Variants in ANKRD31 observed in about 807,000 individuals in gnomAD.
The protein encoded by ANKRD31 is ankyrin repeat domain-containing protein 31.
Under a neutral mutation model 186.0 loss-of-function variants are expected in ANKRD31, and 147 were observed. The ratio of observed to expected loss-of-function variants is 0.79; its 90% confidence interval spans 0.69 to 0.91. ANKRD31 has a LOEUF of 0.91. Among genes scored for constraint, ANKRD31 ranks in the 40% least tolerant of loss-of-function variants. The pLI, the probability that ANKRD31 is intolerant of heterozygous loss-of-function variation, is 0.00. For synonymous variants in ANKRD31, 673 were observed against 736.4 expected, an observed-to-expected ratio of 0.91 and a Z score of 1.39; for missense variants, 1,986 against 2,148.8, an observed-to-expected ratio of 0.92 and a Z score of 1.50.
At chr5:75,137,259 A>G (rs55751093) in intron 17 of ANKRD31, among the ~76,000 whole-genome samples, 13 of 152,220 alleles carry the variant, frequency 8.5e-5, no homozygotes, top group African/African-American at 1.4e-4. Flanking sequence ...TCTATGGATA[A>G]CAATAAGGGT....
Position 75,104,284 on chromosome 5 carries a change from A to G in ANKRD31, c.5275T>C (p.Leu1759=), listed in dbSNP as rs1457802506. Residue 1759 remains leucine, a synonymous_variant, in exon 22 of 26, where the codon TTG becomes CTG. Transcript: ENST00000506364. ...PKKKCIQIKD[L]ILLGRINPGN... ...GGGTTAATTCTTCCTAGTAATATCA[A>G]ATCTTTTATCTGAATACATTTCTTT... 2 of 1,533,528 alleles carry G rather than the reference A, an allele frequency of 1.3e-6. No homozygotes were observed. Among genetic ancestry groups the G allele is most frequent in the African/African-American group, 2.7e-5 (2 of 72,880 alleles). 95.0% of individuals were successfully genotyped at this position (1,533,528 alleles called of 1,614,324 possible).
chr5:75,147,860 AC>A (rs1257328694), intron 13 of ANKRD31, among the ~76,000 whole-genome samples: 1 of 151,916 alleles, frequency 6.6e-6, no homozygotes, highest in East Asian at 1.9e-4. Context: ...AGTTTCCTTT[AC>A]AAGGAAACTC....
chr5:75,105,243 A>T, intron 21 of ANKRD31, 25 bp from the exon 22 acceptor site: 1 of 1,453,028 alleles, frequency 6.9e-7, no homozygotes, highest in Non-Finnish European at 9.0e-7. Context: ...AGAAAGAGAA[A>T]AAATGCAATA....
chr5:75,153,058 C>T (rs116266426), intron 12 of ANKRD31, among the ~76,000 whole-genome samples: 3,961 of 152,098 alleles, frequency 0.026, 158 homozygotes, highest in African/African-American at 0.09. Context: ...GTCTAAGGTA[C>T]ATTCTCTTCC....
chr5:75,144,769 T>G (rs1472184905), intron 14 of ANKRD31, among the ~76,000 whole-genome samples: 2 of 152,072 alleles, frequency 1.3e-5, no homozygotes, highest in Non-Finnish European at 2.9e-5. Context: ...CTAAAGAGCT[T>G]CTGCACAGCA....
intron 3 of ANKRD31, among the ~76,000 whole-genome samples, chr5:75,218,571 G>A (rs1365305595): frequency 6.6e-6 from 1 of 152,066 alleles, no homozygotes. Flanking sequence ...TTGAGGAGGA[G>A]AGACTCATCC....
At chr5:75,220,035 C>T (rs1318959911) in intron 3 of ANKRD31, among the ~76,000 whole-genome samples, 1 of 152,032 alleles carries the variant, frequency 6.6e-6, no homozygotes, top group Non-Finnish European at 1.5e-5. Context: ...ACTATAGAAA[C>T]CCTGAAAGAT....
intron 17 of ANKRD31, among the ~76,000 whole-genome samples, chr5:75,134,990 T>A (rs1580404514): frequency 6.6e-6 from 1 of 152,142 alleles, no homozygotes; most frequent in African/African-American, 2.4e-5. Context: ...AGACTCTCAA[T>A]AAACTAGGTA....
chr5:75,081,985 T>C (rs1174399157), intron 24 of ANKRD31, among the ~76,000 whole-genome samples: 1 of 152,198 alleles, frequency 6.6e-6, no homozygotes, highest in African/African-American at 2.4e-5. Context: ...AGATAGGTAG[T>C]CAGCTTAGGA....
chr5:75,127,926 C>G (rs1291224085), intron 17 of ANKRD31, among the ~76,000 whole-genome samples: 1 of 152,140 alleles, frequency 6.6e-6, no homozygotes, highest in Non-Finnish European at 1.5e-5. Flanking sequence ...AAATTTTCAA[C>G]TTCCAATTGT....
Position 75,104,978 on chromosome 5 carries a change from G to C in ANKRD31, c.4581C>G (p.Pro1527=). ...ELTSLENLEH[P]QSGSLSPVSG... ...AAACAGGAGAAAGTGAACCTGATTG[G>C]GGATGCTCTAAATTTTCCAGACTAG... Residue 1527 remains proline, a synonymous_variant, in exon 22 of 26, where the codon CCC becomes CCG. Transcript: ENST00000506364. 6.5e-7 allele frequency: 1 copy of C among 1,536,942 alleles called. No homozygotes were observed. Among genetic ancestry groups the C allele is most frequent in the Non-Finnish European group, 8.7e-7 (1 of 1,146,860 alleles).
chr5:75,106,651 A>G (rs1747350579), intron 21 of ANKRD31, among the ~76,000 whole-genome samples: 1 of 152,008 alleles, frequency 6.6e-6, no homozygotes, highest in African/African-American at 2.4e-5. Flanking sequence ...TTCCAGGTAT[A>G]GTACATGGTT....
intron 22 of ANKRD31, among the ~76,000 whole-genome samples, chr5:75,092,275 G>T (rs1200409152): frequency 6.6e-6 from 1 of 152,214 alleles, no homozygotes; most frequent in Non-Finnish European, 1.5e-5. Flanking sequence ...CTAAGCTGTA[G>T]GCAGGCGAGT....
rs746678681 is a variant in ANKRD31, at chr5:75,236,627, T to C, written c.60A>G (p.Ser20=). ...TTTCTTCCAGGTCGCTCTCCGTCAC[T>C]GAACCCTCTATCACAGTTTCATCAC... ...WDSDETVIEG[S]VTESDLEEKE... The change falls in exon 1 of 26, where the codon TCA becomes TCG. Residue 20 remains serine (S), a synonymous_variant. Transcript: ENST00000506364. 1 of 1,537,406 alleles carries C rather than the reference T, an allele frequency of 6.5e-7. No homozygotes were observed. The highest frequency in any genetic ancestry group is 1.2e-5 in the South Asian group (1 of 84,036).
chr5:75,119,804 A>G (rs947114634), intron 17 of ANKRD31, among the ~76,000 whole-genome samples: 2 of 152,154 alleles, frequency 1.3e-5, no homozygotes, highest in Admixed American at 1.3e-4. Flanking sequence ...GTGCGAGATG[A>G]TATCTCATTC....
At chr5:75,084,209 C>T (rs1580289777) in intron 24 of ANKRD31, 63 bp downstream of exon 24, 2 of 1,173,824 alleles carry the variant, frequency 1.7e-6, no homozygotes, top group Non-Finnish European at 2.4e-6. Flanking sequence ...AAAATGAGTG[C>T]TTTTCCAGTA....
chr5:75,198,457 C>T (rs1184973701), intron 6 of ANKRD31, among the ~76,000 whole-genome samples: 3 of 152,100 alleles, frequency 2.0e-5, no homozygotes, highest in African/African-American at 7.2e-5. Context: ...TTGAAAAATA[C>T]TTGGTTGAGC....
At chr5:75,153,168 T>C (rs146446133) in intron 12 of ANKRD31, among the ~76,000 whole-genome samples, 309 of 152,142 alleles carry the variant, frequency 2.0e-3, no homozygotes, top group African/African-American at 7.2e-3. Context: ...CAACCAGCAA[T>C]GATCTGAGTT....
chr5:75,106,635 T>G (rs1316291045), intron 21 of ANKRD31, among the ~76,000 whole-genome samples: 3 of 151,984 alleles, frequency 2.0e-5, no homozygotes, highest in Admixed American at 2.0e-4. Context: ...CAGGAACTTT[T>G]GAAAATTCCA....
Sources: allele counts gnomAD v4.1 joint callset (sites outside exome capture counted in the v4.1 genomes callset), GRCh38; gene constraint gnomAD v4.1.1; transcripts MANE v1.5; gene names NCBI Gene and HGNC (gene_info 2026-07-23, HGNC 2026-07-21).